Variants in C7orf78 observed in about 807,000 individuals in gnomAD.
C7orf78 encodes the protein putative uncharacterized protein C7orf78.
At chr7:12,533,986 G>A in the C7orf78 span, among the ~76,000 whole-genome samples, 27 of 152,248 alleles carry the variant, frequency 1.8e-4, no homozygotes, top group African/African-American at 5.5e-4. Flanking sequence ...AAATAGAAAT[G>A]TTTTCATCTG....
At chr7:12,507,778 G>T in the C7orf78 span, among the ~76,000 whole-genome samples, 8 of 152,148 alleles carry the variant, frequency 5.3e-5, no homozygotes, top group African/African-American at 1.9e-4. Flanking sequence ...ATTAGTGCAT[G>T]TATGTTATGT....
chr7:12,501,499 A>G, the C7orf78 span, among the ~76,000 whole-genome samples: 6 of 151,662 alleles, frequency 4.0e-5, no homozygotes, highest in Non-Finnish European at 7.4e-5. Context: ...AAAGAGAATA[A>G]AATACCTAGG....
chr7:12,515,632 G>C, the C7orf78 span, among the ~76,000 whole-genome samples: 3 of 152,214 alleles, frequency 2.0e-5, no homozygotes, highest in Non-Finnish European at 2.9e-5. Flanking sequence ...GAAATTCCTA[G>C]AGACTTGTTG....
At chr7:12,507,033 G>GTGTCACC in the C7orf78 span, 1 of 425,768 alleles carries the variant, frequency 2.3e-6, no homozygotes, top group Admixed American at 2.6e-5. Context: ...GCCGGGCGCG[G>GTGTCACC]TGTCACCCTG....
the C7orf78 span, among the ~76,000 whole-genome samples, chr7:12,489,720 A>G: frequency 6.6e-6 from 1 of 151,782 alleles, no homozygotes; most frequent in East Asian, 1.9e-4. Context: ...AAGCCAAGAC[A>G]AAAAACCACA....
chr7:12,529,090 T>C, the C7orf78 span: 1 of 398,286 alleles, frequency 2.5e-6, no homozygotes, highest in Non-Finnish European at 4.4e-6. Context: ...TCTCCAGCAC[T>C]GTTGTCGACA....
chr7:12,507,039 C>A, the C7orf78 span: 5 of 415,646 alleles, frequency 1.2e-5, no homozygotes, highest in East Asian at 3.8e-4. Context: ...CGCGGTGTCA[C>A]CCTGTAATCC....
the C7orf78 span, among the ~76,000 whole-genome samples, chr7:12,528,355 A>C: frequency 1.1e-4 from 16 of 151,608 alleles, no homozygotes; most frequent in Non-Finnish European, 2.2e-4. Context: ...GAAATGGAAC[A>C]TGTCAGCTTT....
At chr7:12,500,395 G>T in the C7orf78 span, among the ~76,000 whole-genome samples, 41 of 150,096 alleles carry the variant, frequency 2.7e-4, no homozygotes, top group African/African-American at 8.6e-4. Flanking sequence ...TGATAAAGGG[G>T]ATATAACCAC....
chr7:12,490,020 T>C, the C7orf78 span, among the ~76,000 whole-genome samples: 3 of 152,284 alleles, frequency 2.0e-5, no homozygotes, highest in African/African-American at 7.2e-5. Context: ...ATCTTATATT[T>C]AGCCTTTTTT....
chr7:12,532,095 G>C, the C7orf78 span, among the ~76,000 whole-genome samples: 1 of 152,154 alleles, frequency 6.6e-6, no homozygotes, highest in Admixed American at 6.6e-5. Context: ...CAAAGGGAAG[G>C]GAAGATGGAG....
the C7orf78 span, among the ~76,000 whole-genome samples, chr7:12,521,339 G>A: frequency 6.6e-6 from 1 of 151,390 alleles, no homozygotes; most frequent in Non-Finnish European, 1.5e-5. Flanking sequence ...GTTGTTTTCT[G>A]TAGTGATAAA....
At chr7:12,523,254 A>G in the C7orf78 span, 1 of 398,440 alleles carries the variant, frequency 2.5e-6, no homozygotes, top group East Asian at 3.6e-5. Flanking sequence ...AGTTTTCCAG[A>G]AACAATGCTT....
the C7orf78 span, among the ~76,000 whole-genome samples, chr7:12,495,154 C>G: frequency 6.6e-6 from 1 of 152,176 alleles, no homozygotes; most frequent in African/African-American, 2.4e-5. Flanking sequence ...GGTCATTCAT[C>G]CGGGGGATAT....
chr7:12,489,040 G>T, the C7orf78 span, among the ~76,000 whole-genome samples: 3 of 151,676 alleles, frequency 2.0e-5, no homozygotes, highest in Non-Finnish European at 4.4e-5. Context: ...CCAAATGCTG[G>T]CTATTATGGT....
the C7orf78 span, chr7:12,491,248 A>C: frequency 2.6e-5 from 4 of 152,188 alleles, no homozygotes; most frequent in Non-Finnish European, 5.9e-5. Flanking sequence ...CTTAATGTGC[A>C]TAGGGATGTC....
the C7orf78 span, among the ~76,000 whole-genome samples, chr7:12,493,439 A>G: frequency 0.84 from 127,825 of 152,158 alleles, 54,095 homozygotes; most frequent in African/African-American, 0.95. Flanking sequence ...ACCAGACATC[A>G]GAATCCCCTG....
chr7:12,540,352 G>T, the C7orf78 span, among the ~76,000 whole-genome samples: 1 of 152,194 alleles, frequency 6.6e-6, no homozygotes, highest in African/African-American at 2.4e-5. Context: ...AGGAAAAGTT[G>T]AATTGTGTAA....
the C7orf78 span, among the ~76,000 whole-genome samples, chr7:12,525,164 A>G: frequency 6.6e-6 from 1 of 151,944 alleles, no homozygotes; most frequent in Non-Finnish European, 1.5e-5. Context: ...AACCCTGTTT[A>G]ATTTCTGCTT....
Sources: allele counts gnomAD v4.1 joint callset (sites outside exome capture counted in the v4.1 genomes callset), GRCh38; gene constraint gnomAD v4.1.1; transcripts MANE v1.5; gene names NCBI Gene and HGNC (gene_info 2026-07-23, HGNC 2026-07-21).